Variants in FCHSD2 observed in about 807,000 individuals in gnomAD.
The protein encoded by FCHSD2 is FCH and double SH3 domains 2, also known as F-BAR and double SH3 domains protein 2.
Under a neutral mutation model 108.1 loss-of-function variants are expected in FCHSD2, and 38 were observed. The observed-to-expected ratio is 0.35, with a 90% CI of 0.27 to 0.46. The LOEUF (loss-of-function observed/expected upper bound fraction) is 0.46. Ranked by LOEUF, FCHSD2 falls within the 20% of genes least tolerant of loss-of-function variation. The pLI is 1.00. For missense variants in FCHSD2, 751 were observed against 897.8 expected (o/e 0.84, Z 2.09); for synonymous variants, 279 against 314.7 (o/e 0.89, Z 1.20).
At chr11:72,916,488 A>AT (rs1565321511) in intron 9 of FCHSD2, among the ~76,000 whole-genome samples, 2 of 151,848 alleles carry the variant, frequency 1.3e-5, no homozygotes, top group Non-Finnish European at 2.9e-5. Flanking sequence ...AATTTAAAAA[A>AT]TTTTTTTGTA....
intron 9 of FCHSD2, among the ~76,000 whole-genome samples, chr11:72,917,258 C>G (rs1264811949): frequency 1.3e-5 from 2 of 152,230 alleles, no homozygotes; most frequent in African/African-American, 2.4e-5. Context: ...GTTGGGATTA[C>G]AGGCGTGAGC....
intron 13 of FCHSD2, among the ~76,000 whole-genome samples, chr11:72,861,767 T>C (rs553704556): frequency 6.6e-6 from 1 of 151,908 alleles, no homozygotes; most frequent in Non-Finnish European, 1.5e-5. Context: ...CTATCTCTAC[T>C]AAAAAAATAT....
At position 72,908,166 on chromosome 11, in the gene FCHSD2, C is replaced by T. The variant is rs574497491; in HGVS notation, c.829-5528G>A. ...TCTGTGCCTAGTTTATTTCACTTAA[C>T]ATAATGACCTCCAGTTTTATCTATG... On this transcript the variant is annotated intron_variant, in intron 9 of 19. Coordinates refer to ENST00000409418, the MANE Select transcript of FCHSD2 (RefSeq NM_014824.3). 1.1e-4 allele frequency among the ~76,000 whole-genome samples: 17 copies of T among 152,302 alleles called. No homozygotes were observed. The South Asian group carries it at 3.5e-3, about 32-fold the overall frequency.
chr11:72,898,726 C>G (rs1053467420), intron 10 of FCHSD2, among the ~76,000 whole-genome samples: 1 of 93,238 alleles, frequency 1.1e-5, no homozygotes, highest in African/African-American at 4.2e-5. Flanking sequence ...GCTTTTCTTT[C>G]TATTTTTTTT....
chr11:73,053,628 T>C (rs1005382483), intron 3 of FCHSD2, among the ~76,000 whole-genome samples: 6 of 152,174 alleles, frequency 3.9e-5, no homozygotes, highest in African/African-American at 1.4e-4. Flanking sequence ...GATAAACTAA[T>C]AGCAAAAAGC....
At position 73,141,988 on chromosome 11, in the gene FCHSD2, G is replaced by A. The variant is rs1310861301; in HGVS notation, c.-111C>T. ...CAGCGAGCGCGCGCGTGTGTGAAAGGAGCGCTTAAGAAGCAAGACTTGCCC... is the reference window on the plus strand; with the variant it reads ...CAGCGAGCGCGCGCGTGTGTGAAAGAAGCGCTTAAGAAGCAAGACTTGCCC... On this transcript the variant is annotated 5_prime_UTR_variant, in exon 1 of 20. Coordinates refer to ENST00000409418, the MANE Select transcript of FCHSD2 (RefSeq NM_014824.3). The A allele has an allele frequency of 3.6e-6, 4 of 1,101,396 alleles. No homozygotes were observed. In the South Asian group the frequency reaches 4.3e-5, roughly 12 times the overall value. The allele number at this position is 1,101,396 out of a possible 1,614,324, so 68.2% of individuals were successfully genotyped here.
At chr11:73,140,149 A>T in intron 1 of FCHSD2, 21 bp from the exon 2 acceptor site, 4 of 1,384,280 alleles carry the variant, frequency 2.9e-6, no homozygotes, top group Non-Finnish European at 3.9e-6. Context: ...CCATATATTT[A>T]TGAAGGTCTT....
intron 2 of FCHSD2, among the ~76,000 whole-genome samples, chr11:73,102,805 A>G: frequency 6.6e-6 from 1 of 152,212 alleles, no homozygotes; most frequent in East Asian, 1.9e-4. Flanking sequence ...CAGAACTATA[A>G]GCCAATAAAT....
chr11:72,899,410 T>C (rs865861666), intron 10 of FCHSD2, among the ~76,000 whole-genome samples: 2 of 152,158 alleles, frequency 1.3e-5, no homozygotes, highest in South Asian at 2.1e-4. Context: ...CATTAGTCAT[T>C]AGGGAAATGC....
chr11:72,961,289 T>G (rs1175679480), intron 8 of FCHSD2, among the ~76,000 whole-genome samples: 1 of 152,060 alleles, frequency 6.6e-6, no homozygotes, highest in Non-Finnish European at 1.5e-5. Flanking sequence ...TGGAGTGGGA[T>G]CATAGCTCAC....
intron 9 of FCHSD2, among the ~76,000 whole-genome samples, chr11:72,914,760 A>C (rs191262507): frequency 1.6e-3 from 241 of 152,338 alleles, no homozygotes; most frequent in Middle Eastern, 3.4e-3. Flanking sequence ...CTTAAATGTA[A>C]AACCCGAAAC....
intron 8 of FCHSD2, among the ~76,000 whole-genome samples, chr11:72,971,879 G>A (rs1334302770): frequency 6.6e-6 from 1 of 152,120 alleles, no homozygotes; most frequent in Non-Finnish European, 1.5e-5. Context: ...CATAGCAACG[G>A]AAATCAAATA....
intron 2 of FCHSD2, among the ~76,000 whole-genome samples, chr11:73,111,514 T>G (rs1258373252): frequency 2.6e-5 from 4 of 151,996 alleles, no homozygotes; most frequent in Non-Finnish European, 1.5e-5. Flanking sequence ...GTGTGTTTCC[T>G]GTAGGCAACA....
intron 3 of FCHSD2, among the ~76,000 whole-genome samples, chr11:73,016,234 C>G (rs916720985): frequency 4.7e-5 from 7 of 149,308 alleles, no homozygotes; most frequent in Non-Finnish European, 1.0e-4. Flanking sequence ...ATCCAGGAGG[C>G]GGAGGCTGCA....
At chr11:73,116,257 C>T (rs1011909053) in intron 2 of FCHSD2, among the ~76,000 whole-genome samples, 2 of 152,100 alleles carry the variant, frequency 1.3e-5, no homozygotes, top group Non-Finnish European at 2.9e-5. Context: ...TTCATTATTA[C>T]TTAATTTTCT....
At chr11:72,915,253 C>T (rs1195755108) in intron 9 of FCHSD2, among the ~76,000 whole-genome samples, 1 of 151,972 alleles carries the variant, frequency 6.6e-6, no homozygotes, top group Non-Finnish European at 1.5e-5. Flanking sequence ...ACAACGGATG[C>T]TGGCAAGGTT....
At chr11:73,049,608 G>A (rs1337530366) in intron 3 of FCHSD2, among the ~76,000 whole-genome samples, 1 of 149,540 alleles carries the variant, frequency 6.7e-6, no homozygotes, top group Non-Finnish European at 1.5e-5. Context: ...TGGGTGCAGC[G>A]CACCAGCATG....
At chr11:73,056,146 AT>A (rs1859019704) in intron 3 of FCHSD2, among the ~76,000 whole-genome samples, 1 of 152,204 alleles carries the variant, frequency 6.6e-6, no homozygotes. Context: ...TGTCTTACTT[AT>A]CTGGACCAGC....
chr11:73,078,215 GC>G (rs971863862), intron 3 of FCHSD2, among the ~76,000 whole-genome samples: 2 of 152,150 alleles, frequency 1.3e-5, no homozygotes, highest in African/African-American at 4.8e-5. Context: ...AAGATATGAA[GC>G]ACCTGGAACT....
Sources: gnomAD v4.1 joint callset for allele counts (sites outside exome capture counted in the v4.1 genomes callset) on GRCh38, gnomAD v4.1.1 for gene constraint, MANE v1.5 for transcripts, NCBI Gene and HGNC (gene_info 2026-07-23, HGNC 2026-07-21) for gene names.